The following TBXAS1 variants were observed in gnomAD, a reference collection of about 807,000 sequenced individuals.
TBXAS1 encodes thromboxane A synthase 1, also known as thromboxane-A synthase.
In TBXAS1, 48 loss-of-function variants were observed where a neutral mutation model predicts 60.7. The observed-to-expected ratio is 0.79, with a 90% CI of 0.63 to 1.01. The LOEUF is 1.01. Ranked by LOEUF, TBXAS1 falls within the 50% of genes least tolerant of loss-of-function variation. The pLI, the probability that TBXAS1 is intolerant of heterozygous loss-of-function variation, is 0.00. For synonymous variants in TBXAS1, 287 were observed against 269.7 expected (o/e 1.06, Z -0.63); for missense variants, 685 against 686.3 (o/e 1.00, Z 0.02).
intron 4 of TBXAS1, among the ~76,000 whole-genome samples, chr7:139,933,511 T>C (rs1167953054): frequency 1.3e-5 from 2 of 152,164 alleles, no homozygotes; most frequent in East Asian, 1.9e-4. Context: ...CCAAATTCCA[T>C]AAAGCCATAA....
chr7:139,804,671 G>A (rs1054090363), intron 4 of TBXAS1, among the ~76,000 whole-genome samples: 4 of 152,082 alleles, frequency 2.6e-5, no homozygotes, highest in Admixed American at 2.6e-4. Flanking sequence ...TTTTTCCTGT[G>A]CTATTTTCAT....
chr7:139,991,549 GGCT>G (rs1812903820), intron 9 of TBXAS1, among the ~76,000 whole-genome samples: 1 of 152,140 alleles, frequency 6.6e-6, no homozygotes, highest in African/African-American at 2.4e-5. Context: ...GAGGCACGCA[GGCT>G]GCTAAGGGGA....
At chr7:139,958,793 A>G (rs1158077906) in intron 8 of TBXAS1, among the ~76,000 whole-genome samples, 1 of 152,240 alleles carries the variant, frequency 6.6e-6, no homozygotes, top group Non-Finnish European at 1.5e-5. Context: ...CTCGGCCCAC[A>G]CCACTGTGAA....
chr7:139,792,393 T>C (rs1440235682), intron 4 of TBXAS1, among the ~76,000 whole-genome samples: 2 of 152,184 alleles, frequency 1.3e-5, no homozygotes, highest in African/African-American at 4.8e-5. Context: ...TCACCCATGG[T>C]CGGCTTGGTG....
intron 8 of TBXAS1, among the ~76,000 whole-genome samples, chr7:139,959,026 CA>C (rs1810112958): frequency 6.6e-6 from 1 of 152,140 alleles, no homozygotes; most frequent in Non-Finnish European, 1.5e-5. Flanking sequence ...CACACACACA[CA>C]CACACACACA....
At chr7:139,923,539 ACATGCATGCAATGT>A (rs2117117386) in intron 4 of TBXAS1, among the ~76,000 whole-genome samples, 1 of 152,018 alleles carries the variant, frequency 6.6e-6, no homozygotes, top group African/African-American at 2.4e-5. Context: ...CATGCATGAT[ACATGCATGCAATGT>A]ATAATAATCA....
chr7:139,906,653 A>G (rs1313102109), intron 3 of TBXAS1, among the ~76,000 whole-genome samples: 1 of 152,212 alleles, frequency 6.6e-6, no homozygotes, highest in Non-Finnish European at 1.5e-5. Flanking sequence ...CTACACCTAC[A>G]AATATTCTTG....
intron 9 of TBXAS1, among the ~76,000 whole-genome samples, chr7:139,987,466 G>C (rs1237765729): frequency 6.6e-6 from 1 of 152,128 alleles, no homozygotes; most frequent in African/African-American, 2.4e-5. Flanking sequence ...CCTGGGGTGG[G>C]GACTGGACGT....
At chr7:139,779,542 G>A (rs2117211864) in intron 1 of TBXAS1, among the ~76,000 whole-genome samples, 1 of 152,332 alleles carries the variant, frequency 6.6e-6, no homozygotes, top group Admixed American at 6.5e-5. Flanking sequence ...ATGTCACACA[G>A]TATTGAAGCT....
At chr7:139,835,862 C>A (rs530153987) in intron 1 of TBXAS1, among the ~76,000 whole-genome samples, 1 of 152,044 alleles carries the variant, frequency 6.6e-6, no homozygotes, top group Non-Finnish European at 1.5e-5. Flanking sequence ...ACAATACAAT[C>A]GTTTACCTTG....
chr7:139,785,685 TTG>T (rs957674552), intron 3 of TBXAS1, among the ~76,000 whole-genome samples: 9 of 152,092 alleles, frequency 5.9e-5, no homozygotes, highest in African/African-American at 2.2e-4. Flanking sequence ...CTGCATACCA[TTG>T]CTCAGAGATG....
chr7:139,820,409 AC>A (rs1798266219), intron 4 of TBXAS1, among the ~76,000 whole-genome samples: 1 of 152,192 alleles, frequency 6.6e-6, no homozygotes, highest in Non-Finnish European at 1.5e-5. Context: ...CTTGTAGTTG[AC>A]AACCTCATTG....
At chr7:139,841,498 T>A (rs1799447824) in intron 1 of TBXAS1, among the ~76,000 whole-genome samples, 2 of 143,398 alleles carry the variant, frequency 1.4e-5, no homozygotes, top group South Asian at 4.4e-4. Flanking sequence ...TTTTTTTTTA[T>A]CTTTTTGTAT....
intron 5 of TBXAS1, among the ~76,000 whole-genome samples, chr7:139,951,420 G>C (rs1047172285): frequency 1.3e-5 from 2 of 151,516 alleles, no homozygotes; most frequent in Admixed American, 6.6e-5. Context: ...GAGCAATAAG[G>C]CAGGAGGGGT....
At chr7:139,930,950 C>T (rs926764007) in intron 4 of TBXAS1, among the ~76,000 whole-genome samples, 1 of 152,102 alleles carries the variant, frequency 6.6e-6, no homozygotes, top group African/African-American at 2.4e-5. Flanking sequence ...GAGAGAACAA[C>T]TCCTAGGTTT....
upstream of TBXAS1, chr7:139,829,036 T>G (rs892586578): frequency 3.9e-5 from 15 of 386,216 alleles, no homozygotes; most frequent in Admixed American, 4.3e-4. Flanking sequence ...CTTTGAAGAC[T>G]TCCTCTCAGA....
chr7:139,962,459 C>G (rs2117384254), intron 9 of TBXAS1: 3 of 516,678 alleles, frequency 5.8e-6, no homozygotes, highest in Non-Finnish European at 1.0e-5. Context: ...TGCACCTTCA[C>G]TGTCTGGGGT....
chr7:140,011,394 GAGAA>G (rs55873581), intron 10 of TBXAS1, among the ~76,000 whole-genome samples: 75,823 of 151,394 alleles, frequency 0.5, 20,820 homozygotes, highest in South Asian at 0.68. Flanking sequence ...CCCTAGAGAA[GAGAA>G]AGATAGAAAT....
At chr7:140,010,255 A>C (rs111998899) in intron 10 of TBXAS1, among the ~76,000 whole-genome samples, 4 of 152,144 alleles carry the variant, frequency 2.6e-5, no homozygotes, top group Admixed American at 6.6e-5. Flanking sequence ...TTTGGGGGTG[A>C]ATGTAGGGAG....
Sources: gnomAD v4.1 joint callset for allele counts (sites outside exome capture counted in the v4.1 genomes callset) on GRCh38, gnomAD v4.1.1 for gene constraint, MANE v1.5 for transcripts, NCBI Gene and HGNC (gene_info 2026-07-23, HGNC 2026-07-21) for gene names.